The following MARCHF1 variants were observed in gnomAD, a reference collection of about 807,000 sequenced individuals.
The protein encoded by MARCHF1 is E3 ubiquitin-protein ligase MARCHF1.
MARCHF1 carries 40 observed loss-of-function variants against 54.2 expected under a neutral mutation model. That is an observed-to-expected ratio of 0.74 (90% CI 0.57 to 0.96). The LOEUF (loss-of-function observed/expected upper bound fraction) is 0.96. Among genes scored for constraint, MARCHF1 ranks in the 40% least tolerant of loss-of-function variants. The probability of loss-of-function intolerance (pLI) is 0.00; values close to 1 mark genes in which losing one functional copy is unlikely to be tolerated. For missense variants in MARCHF1, 586 were observed against 656.5 expected (o/e 0.89, Z 1.17); for synonymous variants, 236 against 236.3 (o/e 1.00, Z 0.01).
intron 5 of MARCHF1, among the ~76,000 whole-genome samples, chr4:163,641,549 C>A (rs1322735168): frequency 6.6e-6 from 1 of 152,094 alleles, no homozygotes; most frequent in African/African-American, 2.4e-5. Context: ...TTCCTGTGTT[C>A]ATACAGGGGT....
At chr4:164,333,383 T>C (rs1232002107) in intron 1 of MARCHF1, among the ~76,000 whole-genome samples, 1 of 152,186 alleles carries the variant, frequency 6.6e-6, no homozygotes, top group African/African-American at 2.4e-5. Context: ...CAGCACCATT[T>C]TTCAAAAAGC....
intron 4 of MARCHF1, among the ~76,000 whole-genome samples, chr4:163,768,103 T>C (rs907339915): frequency 6.6e-6 from 1 of 152,234 alleles, no homozygotes; most frequent in South Asian, 2.1e-4. Context: ...AAGAAATTTT[T>C]AAAAATTGAA....
At chr4:164,122,315 T>G (rs894229923) in intron 1 of MARCHF1, among the ~76,000 whole-genome samples, 3 of 152,100 alleles carry the variant, frequency 2.0e-5, no homozygotes, top group African/African-American at 7.2e-5. Flanking sequence ...AACCCCAACT[T>G]ATTTTCCTTT....
chr4:164,019,517 T>A (rs1316446343), intron 2 of MARCHF1, among the ~76,000 whole-genome samples: 1 of 152,190 alleles, frequency 6.6e-6, no homozygotes, highest in African/African-American at 2.4e-5. Context: ...AATAGAACAC[T>A]GCAATCTGTG....
intron 5 of MARCHF1, among the ~76,000 whole-genome samples, chr4:163,689,026 A>G (rs1579197389): frequency 6.6e-6 from 1 of 152,152 alleles, no homozygotes; most frequent in East Asian, 1.9e-4. Flanking sequence ...CCCTAGCACC[A>G]CAAAACCATG....
intron 2 of MARCHF1, among the ~76,000 whole-genome samples, chr4:164,083,754 T>C (rs143408716): frequency 1.3e-5 from 2 of 152,074 alleles, no homozygotes; most frequent in South Asian, 2.1e-4. Context: ...TCTGCTTCAG[T>C]CACATTTTCA....
chr4:164,011,003 CA>C (rs1177305103), intron 2 of MARCHF1, among the ~76,000 whole-genome samples: 1 of 152,078 alleles, frequency 6.6e-6, no homozygotes, highest in Non-Finnish European at 1.5e-5. Flanking sequence ...CAAAAATATG[CA>C]ATGGTGAAAG....
intron 7 of MARCHF1, among the ~76,000 whole-genome samples, chr4:163,597,458 C>T (rs1162042809): frequency 6.6e-6 from 1 of 152,050 alleles, no homozygotes; most frequent in African/African-American, 2.4e-5. Context: ...TAAACTCTGT[C>T]ATTGAGAGAT....
At chr4:163,661,540 CA>C (rs1561004480) in intron 5 of MARCHF1, among the ~76,000 whole-genome samples, 2 of 151,196 alleles carry the variant, frequency 1.3e-5, no homozygotes, top group African/African-American at 4.8e-5. Flanking sequence ...TTCTTTTTTT[CA>C]AAAAAATACA....
rs57739431 is a variant in MARCHF1, at chr4:164,350,787, G to A, written c.-323+33083C>T. The stretch of plus-strand genomic sequence containing the variant: ...AAGATGGCCGAATAGGAACAGCTCC[G>A]GTCTACAGCTCCCAGCGTGAGCGAC... On this transcript the variant is annotated intron_variant, in intron 1 of 9. Transcript: ENST00000514618. Among the ~76,000 whole-genome samples the A allele has an allele frequency of 1.4e-3, 214 of 152,228 alleles. 1 individual carries two copies. Among genetic ancestry groups the A allele is most frequent in the Non-Finnish European group, 2.3e-3 (157 of 68,004 alleles).
intron 8 of MARCHF1, among the ~76,000 whole-genome samples, chr4:163,560,026 C>T (rs1459730437): frequency 9.9e-5 from 15 of 152,064 alleles, no homozygotes; most frequent in Non-Finnish European, 2.9e-5. Context: ...CAATATATGG[C>T]TTGTCAATTT....
intron 3 of MARCHF1, among the ~76,000 whole-genome samples, chr4:163,896,454 T>G (rs1283425143): frequency 2.0e-5 from 3 of 152,198 alleles, no homozygotes; most frequent in African/African-American, 7.2e-5. Context: ...CTCCTTATTG[T>G]TTTTAGGGAT....
chr4:163,639,991 C>A (rs145545711), intron 5 of MARCHF1, among the ~76,000 whole-genome samples: 3 of 152,216 alleles, frequency 2.0e-5, no homozygotes, highest in East Asian at 3.9e-4. Context: ...TCACAGATCA[C>A]TCCAAGAAAA....
At chr4:164,203,688 C>A (rs940814031) in intron 1 of MARCHF1, among the ~76,000 whole-genome samples, 2 of 152,142 alleles carry the variant, frequency 1.3e-5, no homozygotes, top group African/African-American at 4.8e-5. Context: ...GCACAATGCC[C>A]CAGCCAAGTT....
chr4:163,893,819 A>G (rs1750717525), intron 3 of MARCHF1, among the ~76,000 whole-genome samples: 1 of 152,180 alleles, frequency 6.6e-6, no homozygotes, highest in African/African-American at 2.4e-5. Context: ...CTGAAGCCTC[A>G]TTACAGCCTG....
chr4:163,622,851 C>T (rs1741735921), intron 5 of MARCHF1, among the ~76,000 whole-genome samples: 1 of 152,084 alleles, frequency 6.6e-6, no homozygotes, highest in South Asian at 2.1e-4. Flanking sequence ...AGGGGAGTGG[C>T]TTAGAGCAAG....
chr4:164,185,805 CACACAAAAAAA>C (rs977832504), intron 1 of MARCHF1, among the ~76,000 whole-genome samples: 5 of 43,600 alleles, frequency 1.1e-4, no homozygotes, highest in African/African-American at 3.4e-4. Flanking sequence ...CACACACACA[CACACAAAAAAA>C]AAAACATTTC....
intron 2 of MARCHF1, among the ~76,000 whole-genome samples, chr4:164,027,978 G>A (rs1262781494): frequency 8.5e-5 from 13 of 152,082 alleles, no homozygotes. Context: ...AAACGTGTGA[G>A]AAAATGCTCA....
chr4:163,873,566 G>A (rs1439120914), intron 3 of MARCHF1, among the ~76,000 whole-genome samples: 3 of 152,170 alleles, frequency 2.0e-5, no homozygotes, highest in Non-Finnish European at 2.9e-5. Flanking sequence ...TTACCTGATG[G>A]TAAATTTACA....
Sources: gnomAD v4.1 joint callset for allele counts (sites outside exome capture counted in the v4.1 genomes callset) on GRCh38, gnomAD v4.1.1 for gene constraint, MANE v1.5 for transcripts, NCBI Gene and HGNC (gene_info 2026-07-23, HGNC 2026-07-21) for gene names.